The following HOXC4 variants were observed in gnomAD, a reference collection of about 807,000 sequenced individuals.
The protein encoded by HOXC4 is homeobox protein Hox-C4.
HOXC4 carries 15 observed loss-of-function variants against 25.5 expected under a neutral mutation model. The ratio of observed to expected loss-of-function variants is 0.59; its 90% CI spans 0.39 to 0.91. HOXC4 has a LOEUF of 0.91. Ranked by LOEUF, HOXC4 falls within the 40% of genes least tolerant of loss-of-function variation. HOXC4 has a pLI of 0.00. For synonymous variants in HOXC4, 165 were observed against 148.0 expected, an observed-to-expected ratio of 1.11 and a Z score of -0.83; for missense variants, 342 against 352.4, an observed-to-expected ratio of 0.97 and a Z score of 0.24.
At chr12:54,019,567 TG>T (rs964168034) in intron 1 of HOXC4, among the ~76,000 whole-genome samples, 5 of 152,066 alleles carry the variant, frequency 3.3e-5, no homozygotes, top group Non-Finnish European at 5.9e-5. Flanking sequence ...TGGCCGCTGA[TG>T]GGGGGGAACA....
chr12:54,043,918 CTGTGTGTGTGTG>C (rs71444829), intron 1 of HOXC4, among the ~76,000 whole-genome samples: 1,933 of 127,342 alleles, frequency 0.015, 13 homozygotes, highest in Middle Eastern at 0.027. Flanking sequence ...AAAACACAGG[CTGTGTGTGTGTG>C]TGTGTGTGTG....
At chr12:54,037,827 T>G (rs1403854306) in intron 1 of HOXC4, 1 of 152,170 alleles carries the variant, frequency 6.6e-6, no homozygotes, top group African/African-American at 2.4e-5. Context: ...AAACCAAGTT[T>G]TATGGTGTAG....
chr12:54,040,070 TA>T (rs1399533750), intron 1 of HOXC4, among the ~76,000 whole-genome samples: 2 of 152,212 alleles, frequency 1.3e-5, no homozygotes, highest in Non-Finnish European at 2.9e-5. Flanking sequence ...TACTGTTTTC[TA>T]AAAAGTTTCT....
At chr12:54,052,427 T>C (rs753414535), upstream of HOXC4, among the ~76,000 whole-genome samples, 3 of 152,214 alleles carry the variant, frequency 2.0e-5, no homozygotes, top group Non-Finnish European at 4.4e-5. Context: ...TGGCAAGCTA[T>C]GATTTTAAAC....
At position 54,037,738 on chromosome 12, in the gene HOXC4, G is replaced by C. The variant is rs1389538450; in HGVS notation, c.-123-15422G>C. 8 of 152,224 alleles carry C rather than the reference G, an allele frequency of 5.3e-5. No individual in the cohort carries two copies. In the East Asian group the frequency reaches 1.5e-3, roughly 29 times the overall value. 9.4% of individuals were successfully genotyped at this position (152,224 alleles called of 1,614,324 possible). On this transcript the variant is annotated intron_variant, in intron 1 of 3. Coordinates refer to the HOXC4 transcript ENST00000303406. ...TGCTTCTATGTGAATTTAGGAGTTTGAAACTTTTGGAGGTTATTTATGTGA... is the reference window on the plus strand; with the variant it reads ...TGCTTCTATGTGAATTTAGGAGTTTCAAACTTTTGGAGGTTATTTATGTGA...
At chr12:54,032,019 G>C (rs529266433) in intron 1 of HOXC4, among the ~76,000 whole-genome samples, 17 of 152,298 alleles carry the variant, frequency 1.1e-4, no homozygotes, top group African/African-American at 3.9e-4. Context: ...AATATTTGTG[G>C]AGGCTTCAAT....
intron 1 of HOXC4, among the ~76,000 whole-genome samples, chr12:54,040,769 G>C (rs1941259396): frequency 6.6e-6 from 1 of 152,186 alleles, no homozygotes; most frequent in Non-Finnish European, 1.5e-5. Context: ...ATTTTCATGA[G>C]GGCAGGTGGG....
At chr12:54,050,905 T>C (rs1039788755), upstream of HOXC4, among the ~76,000 whole-genome samples, 1 of 152,202 alleles carries the variant, frequency 6.6e-6, no homozygotes, top group Non-Finnish European at 1.5e-5. Flanking sequence ...CACGCATATA[T>C]GTTAACCATA....
chr12:54,052,672 C>CAG, upstream of HOXC4, among the ~76,000 whole-genome samples: 1 of 151,806 alleles, frequency 6.6e-6, no homozygotes, highest in Admixed American at 6.6e-5. Flanking sequence ...GAGTGGGTGG[C>CAG]AGAGAGAGAG....
At chr12:54,021,608 C>G (rs954467232) in intron 1 of HOXC4, 1 of 152,280 alleles carries the variant, frequency 6.6e-6, no homozygotes, top group African/African-American at 2.4e-5. Context: ...TCCCAAGACT[C>G]TTGTCCAGAC....
At chr12:54,047,435 G>C (rs1386163619) in intron 1 of HOXC4, among the ~76,000 whole-genome samples, 1 of 152,244 alleles carries the variant, frequency 6.6e-6, no homozygotes, top group Non-Finnish European at 1.5e-5. Flanking sequence ...AGCCCGCCCC[G>C]GACCCAGGCC....
chr12:54,030,147 C>G, intron 1 of HOXC4: 2 of 574,250 alleles, frequency 3.5e-6, no homozygotes. Context: ...GCACAACTCT[C>G]TTTCACCACG....
chr12:54,033,411 G>C (rs1299040117), intron 1 of HOXC4: 54 of 1,610,030 alleles, frequency 3.4e-5, no homozygotes, highest in Non-Finnish European at 4.3e-5. Flanking sequence ...TCTGAACCCC[G>C]GGATGTACAG....
intron 1 of HOXC4, among the ~76,000 whole-genome samples, chr12:54,041,116 G>A (rs984856517): frequency 3.9e-5 from 6 of 152,236 alleles, no homozygotes; most frequent in Non-Finnish European, 8.8e-5. Context: ...GCCATCAAAA[G>A]GTACAGCCAC....
At chr12:54,026,117 A>C (rs1210398918) in intron 1 of HOXC4, among the ~76,000 whole-genome samples, 2 of 152,134 alleles carry the variant, frequency 1.3e-5, no homozygotes, top group African/African-American at 4.8e-5. Flanking sequence ...TCTCTCTCTG[A>C]AATTGGAGGG....
chr12:54,049,475 G>T (rs1210071158), upstream of HOXC4, among the ~76,000 whole-genome samples: 3 of 151,592 alleles, frequency 2.0e-5, no homozygotes, highest in African/African-American at 7.3e-5. Context: ...CTTGCCTAAG[G>T]TCTCCAAACA....
In HOXC4 at chr12:54,028,884, G is replaced by C. The variant is rs762991519; in HGVS notation, c.-124+11470G>C. 3.7e-6 allele frequency: 6 copies of C among 1,613,262 alleles called. No individual in the cohort carries two copies. The South Asian group carries it at 6.6e-5, about 18-fold the overall frequency. ...CCCAGGACCAGAAAGCCAGTATCCAGATTTACCCCTGGATGCAGCGAATGA... is the reference window on the plus strand; with the variant it reads ...CCCAGGACCAGAAAGCCAGTATCCACATTTACCCCTGGATGCAGCGAATGA... On this transcript the variant is annotated intron_variant, in intron 1 of 3. Transcript: ENST00000303406.
chr12:54,018,922 T>G (rs1940293157), intron 1 of HOXC4, among the ~76,000 whole-genome samples: 2 of 152,144 alleles, frequency 1.3e-5, no homozygotes, highest in South Asian at 4.1e-4. Flanking sequence ...GATTTCCTGT[T>G]TAAACCCTGA....
intron 1 of HOXC4, among the ~76,000 whole-genome samples, chr12:54,017,859 C>A (rs1374336441): frequency 6.6e-6 from 1 of 152,076 alleles, no homozygotes; most frequent in Admixed American, 6.5e-5. Flanking sequence ...CAAAGTTAGC[C>A]CCCCAACCCC....
Sources: gnomAD v4.1 joint callset for allele counts (sites outside exome capture counted in the v4.1 genomes callset) on GRCh38, gnomAD v4.1.1 for gene constraint, MANE v1.5 for transcripts, NCBI Gene and HGNC (gene_info 2026-07-23, HGNC 2026-07-21) for gene names.